The following DCT variants were observed in gnomAD, a reference collection of about 807,000 sequenced individuals.
The protein encoded by DCT is dopachrome tautomerase, also known as L-dopachrome tautomerase.
In DCT, 47 loss-of-function variants were observed where a neutral mutation model predicts 53.0. That is an observed-to-expected ratio of 0.89 (90% CI 0.70 to 1.13). The LOEUF (loss-of-function observed/expected upper bound fraction) is 1.13, where lower values mean the gene tolerates loss of function less well. Among genes scored for constraint, DCT ranks in the 50% most tolerant of loss-of-function variants. DCT has a pLI of 0.00. For missense variants in DCT, 669 were observed against 637.4 expected (o/e 1.05, Z -0.53); for synonymous variants, 244 against 237.0 (o/e 1.03, Z -0.27).
At chr13:94,543,457 T>C in the DCT span, among the ~76,000 whole-genome samples, 1 of 152,204 alleles carries the variant, frequency 6.6e-6, no homozygotes, top group African/African-American at 2.4e-5. Context: ...CAATCTTAGA[T>C]GGATACTTTC....
At chr13:94,501,992 G>C in the DCT span, among the ~76,000 whole-genome samples, 1 of 149,002 alleles carries the variant, frequency 6.7e-6, no homozygotes. Flanking sequence ...TACTTCTGAG[G>C]CTCTGCTGAG....
chr13:94,472,278 C>T lies in DCT; in HGVS notation c.296-3233G>A, dbSNP rs114240748. 2.4e-3 allele frequency among the ~76,000 whole-genome samples: 363 copies of T among 151,738 alleles called. 1 individual carries two copies. The highest frequency in any genetic ancestry group is 7.9e-3 in the African/African-American group (327 of 41,420). On this transcript the variant is annotated intron_variant, in intron 1 of 7. Transcript: ENST00000377028. ...GCTACTATCTAAAAGGTAGCCAACA[C>T]TAAACATGCACTGACAGTGAGGGAG...
chr13:94,525,107 C>CT, the DCT span, among the ~76,000 whole-genome samples: 60,494 of 150,488 alleles, frequency 0.4, 12,812 homozygotes, highest in East Asian at 0.61. Context: ...GTGATACCTT[C>CT]TTTTTTTTTG....
At chr13:94,471,664 A>G (rs1411314805) in intron 1 of DCT, among the ~76,000 whole-genome samples, 1 of 152,246 alleles carries the variant, frequency 6.6e-6, no homozygotes, top group Non-Finnish European at 1.5e-5. Context: ...ATGACAGTAC[A>G]GGAATGGAAC....
the DCT span, among the ~76,000 whole-genome samples, chr13:94,521,231 G>A: frequency 1.3e-5 from 2 of 152,170 alleles, no homozygotes; most frequent in African/African-American, 4.8e-5. Flanking sequence ...TGTGTTGTAA[G>A]GATAAAAGAG....
chr13:94,444,155 C>T (rs7317214), intron 6 of DCT, among the ~76,000 whole-genome samples: 121,886 of 152,102 alleles, frequency 0.8, 50,293 homozygotes, highest in African/African-American at 0.93. Flanking sequence ...CCTGAAACTT[C>T]TTGAGTGCCA....
intron 6 of DCT, among the ~76,000 whole-genome samples, chr13:94,452,985 T>C (rs1883193569): frequency 6.6e-6 from 1 of 152,148 alleles, no homozygotes; most frequent in African/African-American, 2.4e-5. Context: ...ATTTTATACA[T>C]TTTATATTTT....
At chr13:94,490,322 T>C in the DCT span, among the ~76,000 whole-genome samples, 12 of 151,756 alleles carry the variant, frequency 7.9e-5, no homozygotes, top group East Asian at 1.6e-3. Flanking sequence ...CTGACCAATA[T>C]TGTATAATCC....
At chr13:94,482,815 C>T (rs1387469431), upstream of DCT, among the ~76,000 whole-genome samples, 1 of 152,094 alleles carries the variant, frequency 6.6e-6, no homozygotes, top group Non-Finnish European at 1.5e-5. Context: ...TTGGGGGTTT[C>T]ATATTAGGTT....
chr13:94,504,557 T>C, the DCT span, among the ~76,000 whole-genome samples: 68,962 of 151,772 alleles, frequency 0.45, 16,944 homozygotes, highest in African/African-American at 0.63. Context: ...TTAGTAGAGA[T>C]GGGGTTTCAT....
intron 6 of DCT, among the ~76,000 whole-genome samples, chr13:94,451,230 A>T (rs78667135): frequency 0.053 from 8,053 of 152,292 alleles, 312 homozygotes; most frequent in Non-Finnish European, 0.081. Flanking sequence ...AGTAAATGTG[A>T]CATTTAAAAA....
At chr13:94,440,202 G>A (rs1882188828) in intron 7 of DCT, 126 bp from the exon 8 acceptor site, 4 of 662,156 alleles carry the variant, frequency 6.0e-6, no homozygotes, top group Admixed American at 3.0e-5. Flanking sequence ...ACTCATGCTA[G>A]ACTAAAATTT....
At chr13:94,468,476 A>T in intron 2 of DCT, 1 of 345,872 alleles carries the variant, frequency 2.9e-6, no homozygotes, top group Non-Finnish European at 5.3e-6. Context: ...ATCTTTGATG[A>T]TTAACAGCTT....
chr13:94,462,173 G>T lies in DCT; in HGVS notation c.880C>A (p.His294Asn). Residue 294 changes from histidine (H) to asparagine (N), a missense_variant, in exon 5 of 8, where the codon CAC (histidine) becomes AAC (asparagine). Physicochemically the swap from His to Asn is moderately conservative, Grantham distance 68. Coordinates refer to ENST00000377028, the MANE Select transcript of DCT (RefSeq NM_001922.5). ...GTTCCATTGCACAAGGTGACCAGGT[G>T]GTTGTAGTCATCCAAGCTAAGATTT... ...TVCDSLDDYN[H>N]LVTLCNGTYE... The T allele has an allele frequency of 3.7e-6, 6 of 1,612,312 alleles. No individual in the cohort carries two copies. The highest frequency in any genetic ancestry group is 5.1e-6 in the Non-Finnish European group (6 of 1,178,746).
the DCT span, among the ~76,000 whole-genome samples, chr13:94,514,927 TA>T: frequency 6.6e-6 from 1 of 152,198 alleles, no homozygotes; most frequent in Admixed American, 6.5e-5. Context: ...CCCAAATGCA[TA>T]TGCTGAAAAC....
In DCT at chr13:94,464,008, C is replaced by A. The variant is rs186316876; in HGVS notation, c.863+1625G>T. ...AATTTAAAAACCTTTTAAACTCAGC[C>A]TTCTCTAAATTTACTTGATGACGGA... On this transcript the variant is annotated intron_variant, in intron 4 of 7. Coordinates refer to ENST00000377028, the MANE Select transcript of DCT (RefSeq NM_001922.5). Among the ~76,000 whole-genome samples the A allele has an allele frequency of 5.9e-5, 9 of 152,318 alleles. No individual in the cohort carries two copies. The East Asian group carries it at 1.7e-3, about 29-fold the overall frequency.
the DCT span, among the ~76,000 whole-genome samples, chr13:94,519,663 T>C: frequency 6.6e-6 from 1 of 152,198 alleles, no homozygotes; most frequent in Non-Finnish European, 1.5e-5. Flanking sequence ...CAGCTACACA[T>C]TGGTAGGGAC....
the DCT span, among the ~76,000 whole-genome samples, chr13:94,545,443 C>T: frequency 2.6e-5 from 4 of 152,108 alleles, no homozygotes; most frequent in South Asian, 4.2e-4. Flanking sequence ...TAATTAATTC[C>T]AAATGACCAG....
At chr13:94,524,436 C>T in the DCT span, among the ~76,000 whole-genome samples, 1 of 152,176 alleles carries the variant, frequency 6.6e-6, no homozygotes, top group South Asian at 2.1e-4. Context: ...CCATAGCCGT[C>T]CTGGGCCAGC....
Sources: gnomAD v4.1 joint callset for allele counts (sites outside exome capture counted in the v4.1 genomes callset) on GRCh38, gnomAD v4.1.1 for gene constraint, MANE v1.5 for transcripts, NCBI Gene and HGNC (gene_info 2026-07-23, HGNC 2026-07-21) for gene names.